The following OPHN1 variants were observed in gnomAD, a reference collection of about 807,000 sequenced individuals.
OPHN1 encodes oligophrenin-1.
In OPHN1, 11 loss-of-function variants were observed where a neutral mutation model predicts 60.7. The ratio of observed to expected loss-of-function variants is 0.18; its 90% CI spans 0.11 to 0.30. OPHN1 has a LOEUF of 0.30. Among genes scored for constraint, OPHN1 ranks in the 10% least tolerant of loss-of-function variants. The pLI is 1.00. For synonymous variants in OPHN1, 226 were observed against 222.6 expected (o/e 1.02, Z -0.14); for missense variants, 449 against 611.0 (o/e 0.73, Z 2.80).
At chrX:68,344,878 T>C (rs2078371884) in intron 2 of OPHN1, among the ~76,000 whole-genome samples, 1 of 111,849 alleles carries the variant, frequency 8.9e-6, no homozygotes. Flanking sequence ...TATAAATTAT[T>C]ATAACCTATG....
intron 4 of OPHN1, among the ~76,000 whole-genome samples, chrX:68,281,722 CAAAAGA>C: frequency 8.9e-6 from 1 of 112,163 alleles, no homozygotes; most frequent in East Asian, 2.8e-4. Flanking sequence ...TAAAACTTAA[CAAAAGA>C]AAATCAATTT....
At chrX:68,416,087 G>T (rs200481018) in intron 2 of OPHN1, among the ~76,000 whole-genome samples, 11 of 31,522 alleles carry the variant, frequency 3.5e-4, no homozygotes, top group African/African-American at 4.9e-4. Context: ...GAGAGAGAGA[G>T]AGAGAGAGAG....
At chrX:68,266,421 C>A (rs975397862) in intron 5 of OPHN1, among the ~76,000 whole-genome samples, 34 of 111,121 alleles carry the variant, frequency 3.1e-4, no homozygotes, top group Non-Finnish European at 6.0e-4. Context: ...TCATATCCAG[C>A]CAAACTAAGC....
At chrX:68,056,125 C>A (rs1461483247) in intron 21 of OPHN1, among the ~76,000 whole-genome samples, 1 of 110,974 alleles carries the variant, frequency 9.0e-6, no homozygotes, top group Non-Finnish European at 1.9e-5. Flanking sequence ...AAAGAAAAAC[C>A]CTCCTCACAA....
intron 19 of OPHN1, among the ~76,000 whole-genome samples, chrX:68,088,872 C>A (rs1014217191): frequency 1.8e-4 from 20 of 110,292 alleles, no homozygotes; most frequent in Non-Finnish European, 3.6e-4. Context: ...TGGGATGTAA[C>A]CCCTGGGCTG....
At chrX:68,167,711 A>G (rs771743824) in intron 15 of OPHN1, among the ~76,000 whole-genome samples, 7 of 74,618 alleles carry the variant, frequency 9.4e-5, no homozygotes, top group Admixed American at 3.8e-4. Context: ...ATATGTGTAT[A>G]TGTGTGTGTG....
Position 68,206,659 on chromosome X carries a change from A to T in OPHN1, c.847T>A (p.Ser283Thr). The stretch of plus-strand genomic sequence containing the variant: ...TACTGGCAATAGTATTTCACCCAGG[A>T]TATTCCTAAAGCCCCTACAAGGACA... ...YTQEKWALGI[S>T]WVKYYCQYEK... The change falls in exon 10 of 25, where the codon TCC (serine) becomes ACC (threonine). Residue 283 changes from serine to threonine, a missense_variant. Coordinates refer to ENST00000355520, the MANE Select transcript of OPHN1 (RefSeq NM_002547.3). 8.4e-7 allele frequency: 1 copy of T among 1,196,877 alleles called. No homozygotes were observed. The highest frequency in any genetic ancestry group is 3.0e-5 in the East Asian group (1 of 33,729).
intron 15 of OPHN1, among the ~76,000 whole-genome samples, chrX:68,186,087 T>C (rs925235928): frequency 9.0e-6 from 1 of 111,268 alleles, no homozygotes; most frequent in African/African-American, 3.3e-5. Context: ...GAATCCCAAA[T>C]CTGGGATATT....
At position 68,228,596 on chromosome X, in the gene OPHN1, G is replaced by T. The variant is rs991981236; in HGVS notation, c.486+5891C>A. 2.8e-5 allele frequency among the ~76,000 whole-genome samples: 3 copies of T among 107,370 alleles called. No homozygotes were observed. The Admixed American group carries it at 3.1e-4, about 11-fold the overall frequency. 93.2% of individuals were successfully genotyped at this position (107,370 alleles called of 115,157 possible). On this transcript the variant is annotated intron_variant, in intron 6 of 24. Transcript: ENST00000355520. ...GTTGGCTTCATCCCTGGGCTGCAAG[G>T]CTCGTTCAACATACACAAATCAATA...
At chrX:68,312,866 G>A (rs750582946) in intron 2 of OPHN1, among the ~76,000 whole-genome samples, 1 of 111,355 alleles carries the variant, frequency 9.0e-6, no homozygotes, top group East Asian at 2.8e-4. Flanking sequence ...AACATTTAGA[G>A]AGGCCAAGGC....
intron 2 of OPHN1, among the ~76,000 whole-genome samples, chrX:68,313,853 T>C (rs773531180): frequency 1.8e-5 from 2 of 111,579 alleles, no homozygotes; most frequent in South Asian, 7.6e-4. Flanking sequence ...GTATAATTGG[T>C]TTACAGTACA....
intron 6 of OPHN1, among the ~76,000 whole-genome samples, chrX:68,226,742 G>A (rs980679402): frequency 9.0e-6 from 1 of 111,519 alleles, no homozygotes; most frequent in African/African-American, 3.3e-5. Flanking sequence ...ACTAAACATG[G>A]AAAGGAACAA....
intron 19 of OPHN1, among the ~76,000 whole-genome samples, chrX:68,091,869 G>A (rs1249645267): frequency 5.4e-5 from 6 of 111,643 alleles, no homozygotes; most frequent in Admixed American, 1.9e-4. Flanking sequence ...GATGGGAAGA[G>A]AGAGAACTTC....
intron 4 of OPHN1, among the ~76,000 whole-genome samples, chrX:68,280,763 T>C (rs1296745393): frequency 9.0e-6 from 1 of 111,541 alleles, no homozygotes; most frequent in African/African-American, 3.3e-5. Flanking sequence ...TCCAATAATT[T>C]TCTGCTGGTG....
At chrX:68,328,826 CAATT>C (rs1164315452) in intron 2 of OPHN1, among the ~76,000 whole-genome samples, 1 of 112,303 alleles carries the variant, frequency 8.9e-6, no homozygotes. Flanking sequence ...GTAACATACT[CAATT>C]AGTAGTTAGG....
intron 2 of OPHN1, among the ~76,000 whole-genome samples, chrX:68,317,811 T>C (rs1602321098): frequency 9.0e-6 from 1 of 110,895 alleles, no homozygotes; most frequent in Non-Finnish European, 1.9e-5. Flanking sequence ...CCTAAACCTA[T>C]AGGTCAAAGA....
intron 15 of OPHN1, among the ~76,000 whole-genome samples, chrX:68,168,842 A>C (rs1470575360): frequency 4.5e-5 from 5 of 111,602 alleles, no homozygotes; most frequent in African/African-American, 1.6e-4. Context: ...ATCCCACAGA[A>C]ATACAAACTA....
intron 2 of OPHN1, among the ~76,000 whole-genome samples, chrX:68,370,957 T>A (rs2078525082): frequency 9.0e-6 from 1 of 111,241 alleles, no homozygotes; most frequent in Non-Finnish European, 1.9e-5. Context: ...AAAATGAGGA[T>A]GTAAAAGTTA....
At chrX:68,291,183 A>G in intron 3 of OPHN1, among the ~76,000 whole-genome samples, 1 of 111,550 alleles carries the variant, frequency 9.0e-6, no homozygotes, top group Non-Finnish European at 1.9e-5. Flanking sequence ...TATGGATACA[A>G]TATGGTGGCA....
Sources: allele counts gnomAD v4.1 joint callset (sites outside exome capture counted in the v4.1 genomes callset), GRCh38; gene constraint gnomAD v4.1.1; transcripts MANE v1.5; gene names NCBI Gene and HGNC (gene_info 2026-07-23, HGNC 2026-07-21).